CTNNA3: variants seen among roughly 807,000 people sequenced by gnomAD.
CTNNA3 encodes catenin alpha 3, also known as catenin alpha-3.
CTNNA3 carries 76 observed loss-of-function variants against 95.7 expected under a neutral mutation model. The ratio of observed to expected loss-of-function variants is 0.79; its 90% CI spans 0.66 to 0.96. The LOEUF (loss-of-function observed/expected upper bound fraction) is 0.96, where lower values mean the gene tolerates loss of function less well. Among genes scored for constraint, CTNNA3 ranks in the 40% least tolerant of loss-of-function variants. The pLI is 0.00. For synonymous variants in CTNNA3, 431 were observed against 374.4 expected, an observed-to-expected ratio of 1.15 and a Z score of -1.74; for missense variants, 1,191 against 1,089.8, an observed-to-expected ratio of 1.09 and a Z score of -1.31.
intron 16 of CTNNA3, among the ~76,000 whole-genome samples, chr10:65,988,150 G>A (rs1475524278): frequency 6.6e-6 from 1 of 151,966 alleles, no homozygotes; most frequent in African/African-American, 2.4e-5. Flanking sequence ...AATTTATTGT[G>A]TATTTAAAAA....
At chr10:67,287,507 T>A (rs1017087321) in intron 5 of CTNNA3, among the ~76,000 whole-genome samples, 2 of 152,180 alleles carry the variant, frequency 1.3e-5, no homozygotes, top group Admixed American at 6.5e-5. Flanking sequence ...ATTGTGTATG[T>A]TCACCATAAA....
intron 9 of CTNNA3, among the ~76,000 whole-genome samples, chr10:66,685,586 A>T (rs1030284695): frequency 6.7e-6 from 1 of 150,272 alleles, no homozygotes; most frequent in African/African-American, 2.5e-5. Context: ...GTTAGCCAGG[A>T]TGGTCTCGAT....
chr10:66,326,924 T>C (rs2092260963), intron 12 of CTNNA3, among the ~76,000 whole-genome samples: 1 of 152,098 alleles, frequency 6.6e-6, no homozygotes, highest in African/African-American at 2.4e-5. Flanking sequence ...GGCAGAGAGC[T>C]TTTCAGATTT....
At position 67,141,851 on chromosome 10, in the gene CTNNA3, G is replaced by GT. The variant is rs555711927; in HGVS notation, c.1047+38465dup. Among the ~76,000 whole-genome samples, 316 of 150,506 alleles carry GT rather than the reference G, an allele frequency of 2.1e-3. 2 individuals are homozygous for GT. Among genetic ancestry groups the GT allele is most frequent in the African/African-American group, 6.7e-3 (276 of 41,024 alleles). On this transcript the variant is annotated intron_variant, in intron 7 of 17. Transcript: ENST00000433211. ...ATATATTCTAAAATATATCCAGGGT[G>GT]TTTTTTTTTCTTATTTATAGATTTT...
intron 7 of CTNNA3, chr10:66,928,014 A>T: frequency 6.2e-7 from 1 of 1,614,204 alleles, no homozygotes. Context: ...AAAGTACTAC[A>T]GAGAGGTTTG....
At chr10:67,211,260 G>A (rs906593719) in intron 6 of CTNNA3, among the ~76,000 whole-genome samples, 25 of 147,218 alleles carry the variant, frequency 1.7e-4, no homozygotes, top group Non-Finnish European at 3.1e-4. Context: ...GTTTTTTCAA[G>A]TTTTGGAGAA....
chr10:66,131,307 A>C (rs1381693807), intron 13 of CTNNA3, among the ~76,000 whole-genome samples: 1 of 152,210 alleles, frequency 6.6e-6, no homozygotes, highest in Non-Finnish European at 1.5e-5. Flanking sequence ...GCATTGATGC[A>C]AAAATCCTCA....
At position 67,027,469 on chromosome 10, in the gene CTNNA3, C is replaced by G. The variant is rs535991140; in HGVS notation, c.1047+152848G>C. On this transcript the variant is annotated intron_variant, in intron 7 of 17. Transcript: ENST00000433211. ...TTTTTTTTTGATACACAGTCTCGCTCTGTCACCCAGGCTGGAGTGCAGTGG... is the reference window on the plus strand; with the variant it reads ...TTTTTTTTTGATACACAGTCTCGCTGTGTCACCCAGGCTGGAGTGCAGTGG... Among the ~76,000 whole-genome samples, 269 of 145,806 alleles carry G rather than the reference C, an allele frequency of 1.8e-3. 1 individual carries two copies. The highest frequency in any genetic ancestry group is 3.3e-3 in the Non-Finnish European group (218 of 67,046).
rs1849814433 is a variant in CTNNA3 at position 66,973,008 on chromosome 10, A to G, written c.1048-197484T>C. Among the ~76,000 whole-genome samples the G allele has an allele frequency of 3.3e-5, 5 of 152,336 alleles. No homozygotes were observed. The South Asian group carries it at 1.0e-3, about 32-fold the overall frequency. ...GTCAGTATTAAAAACTAAGTCAACCACAAGCAGTTTTACATCATGTTTACA... is the reference window on the plus strand; with the variant it reads ...GTCAGTATTAAAAACTAAGTCAACCGCAAGCAGTTTTACATCATGTTTACA... On this transcript the variant is annotated intron_variant, in intron 7 of 17. Transcript: ENST00000433211.
At chr10:67,628,504 T>C (rs940923879) in intron 2 of CTNNA3, among the ~76,000 whole-genome samples, 3 of 152,170 alleles carry the variant, frequency 2.0e-5, no homozygotes, top group Non-Finnish European at 2.9e-5. Context: ...GTAAGTCTTT[T>C]TGACTTCAAA....
At chr10:66,585,299 G>GT (rs1843324111) in intron 10 of CTNNA3, among the ~76,000 whole-genome samples, 1 of 151,794 alleles carries the variant, frequency 6.6e-6, no homozygotes, top group African/African-American at 2.4e-5. Flanking sequence ...TTTTTGCTAC[G>GT]TTTTTCTCCC....
At chr10:67,692,036 G>T (rs1473911057) in intron 1 of CTNNA3, among the ~76,000 whole-genome samples, 1 of 147,556 alleles carries the variant, frequency 6.8e-6, no homozygotes. Flanking sequence ...GAGCCCCTCT[G>T]CCCGGCCAGC....
At chr10:66,997,144 T>C (rs1010770087) in intron 7 of CTNNA3, among the ~76,000 whole-genome samples, 1 of 152,164 alleles carries the variant, frequency 6.6e-6, no homozygotes, top group Non-Finnish European at 1.5e-5. Flanking sequence ...TTTTTCGTCT[T>C]TGCTTAGTGT....
At chr10:67,666,735 A>G (rs1037580749) in intron 1 of CTNNA3, among the ~76,000 whole-genome samples, 3 of 152,148 alleles carry the variant, frequency 2.0e-5, no homozygotes, top group Non-Finnish European at 4.4e-5. Context: ...TCCTTAGTAA[A>G]TGTGCTTAGA....
At chr10:66,593,030 G>A (rs56332460) in intron 10 of CTNNA3, among the ~76,000 whole-genome samples, 3,053 of 152,204 alleles carry the variant, frequency 0.02, 86 homozygotes, top group African/African-American at 0.063. Flanking sequence ...ATGCCACTAA[G>A]AAATTTATAA....
At chr10:66,502,457 T>C (rs1027325461) in intron 11 of CTNNA3, among the ~76,000 whole-genome samples, 2 of 152,124 alleles carry the variant, frequency 1.3e-5, no homozygotes, top group East Asian at 3.9e-4. Context: ...TTTTTTCCCA[T>C]TGGATTTTGC....
intron 5 of CTNNA3, among the ~76,000 whole-genome samples, chr10:67,254,236 T>C (rs772036211): frequency 4.4e-4 from 66 of 151,378 alleles, no homozygotes; most frequent in Middle Eastern, 3.4e-3. Flanking sequence ...GTTCAAACTA[T>C]GCAGTGACTT....
intron 10 of CTNNA3, among the ~76,000 whole-genome samples, chr10:66,589,218 A>T (rs1843464878): frequency 6.6e-6 from 1 of 151,746 alleles, no homozygotes; most frequent in Non-Finnish European, 1.5e-5. Flanking sequence ...TGGTCACATC[A>T]CATCCAGAGA....
intron 1 of CTNNA3, among the ~76,000 whole-genome samples, chr10:67,679,271 C>T (rs1454419577): frequency 6.6e-6 from 1 of 152,116 alleles, no homozygotes; most frequent in African/African-American, 2.4e-5. Flanking sequence ...CTGGCTTCTA[C>T]CCACTAGATG....
Sources: allele counts gnomAD v4.1 joint callset (sites outside exome capture counted in the v4.1 genomes callset), GRCh38; gene constraint gnomAD v4.1.1; transcripts MANE v1.5; gene names NCBI Gene and HGNC (gene_info 2026-07-23, HGNC 2026-07-21).